Variants in GPC6 observed in about 807,000 individuals in gnomAD.
GPC6 encodes the protein glypican 6, also known as glypican-6.
Under a neutral mutation model 55.2 loss-of-function variants are expected in GPC6, and 14 were observed. The observed-to-expected ratio is 0.25, with a 90% CI of 0.17 to 0.40. The LOEUF (loss-of-function observed/expected upper bound fraction) is 0.40, where lower values mean the gene tolerates loss of function less well. GPC6 is among the 10% of genes least tolerant of loss of function. The pLI, the probability that GPC6 is intolerant of heterozygous loss-of-function variation, is 1.00. For synonymous variants in GPC6, 278 were observed against 259.6 expected (o/e 1.07, Z -0.68); for missense variants, 641 against 708.5 (o/e 0.90, Z 1.08).
chr13:93,584,340 G>C (rs1184016896), intron 2 of GPC6, among the ~76,000 whole-genome samples: 2 of 152,286 alleles, frequency 1.3e-5, no homozygotes. Context: ...GTATCTTTGG[G>C]GGGGTCCCAG....
At chr13:93,303,573 G>A (rs1397209976) in intron 1 of GPC6, among the ~76,000 whole-genome samples, 1 of 152,088 alleles carries the variant, frequency 6.6e-6, no homozygotes, top group African/African-American at 2.4e-5. Context: ...AGAAGAGTGT[G>A]GGTCAAGTTT....
chr13:94,294,358 A>G (rs966199659), intron 5 of GPC6, among the ~76,000 whole-genome samples: 10 of 151,754 alleles, frequency 6.6e-5, no homozygotes, highest in Non-Finnish European at 1.2e-4. Context: ...GGTAGAACCC[A>G]TTAAAGATGA....
At chr13:93,920,613 G>A (rs1215574763) in intron 3 of GPC6, among the ~76,000 whole-genome samples, 1 of 152,088 alleles carries the variant, frequency 6.6e-6, no homozygotes, top group Non-Finnish European at 1.5e-5. Context: ...AATTCAATCA[G>A]TCTTGTTTTT....
At chr13:94,207,517 C>G (rs1889940144) in intron 4 of GPC6, among the ~76,000 whole-genome samples, 1 of 152,154 alleles carries the variant, frequency 6.6e-6, no homozygotes. Flanking sequence ...ACAGTCACTT[C>G]TATGAAGTGG....
intron 3 of GPC6, among the ~76,000 whole-genome samples, chr13:94,011,778 A>G (rs890540445): frequency 1.3e-5 from 2 of 152,174 alleles, no homozygotes; most frequent in Admixed American, 6.5e-5. Context: ...GCTCTGTTGT[A>G]CAGCCATTCA....
chr13:94,034,251 A>AGG (rs757997066), intron 4 of GPC6, among the ~76,000 whole-genome samples: 7 of 148,820 alleles, frequency 4.7e-5, no homozygotes, highest in South Asian at 4.3e-4. Flanking sequence ...GAAGGAAGGA[A>AGG]AGAAAGAAAG....
At chr13:93,297,988 G>A (rs1378818237) in intron 1 of GPC6, among the ~76,000 whole-genome samples, 2 of 152,158 alleles carry the variant, frequency 1.3e-5, no homozygotes, top group Non-Finnish European at 2.9e-5. Flanking sequence ...AGTAACAAAT[G>A]TTAGGTTCAC....
chr13:93,432,760 C>A (rs997217560), intron 1 of GPC6, among the ~76,000 whole-genome samples: 8 of 152,102 alleles, frequency 5.3e-5, no homozygotes, highest in Non-Finnish European at 1.0e-4. Context: ...CTCTATTATT[C>A]TCCTTTTAAT....
At chr13:94,398,757 C>G in intron 8 of GPC6, 116 bp downstream of exon 8, 1 of 835,258 alleles carries the variant, frequency 1.2e-6, no homozygotes, top group Non-Finnish European at 2.0e-6. Flanking sequence ...CATTCTTCCT[C>G]AGGCTGTGAT....
At chr13:93,834,517 A>G (rs1468289540) in intron 3 of GPC6, among the ~76,000 whole-genome samples, 1 of 152,212 alleles carries the variant, frequency 6.6e-6, no homozygotes. Flanking sequence ...AAGGAGGGAT[A>G]CATAGAGATA....
intron 1 of GPC6, among the ~76,000 whole-genome samples, chr13:93,256,149 G>A (rs978357340): frequency 1.5e-5 from 2 of 131,704 alleles, no homozygotes; most frequent in African/African-American, 2.9e-5. Context: ...CAGCCTGGGC[G>A]ACAGAGTGAG....
Position 94,405,591 on chromosome 13 carries a change from G to C in GPC6, c.*2374G>C, listed in dbSNP as rs1210141977. 6.6e-6 allele frequency: 1 copy of C among 152,084 alleles called. No individual in the cohort carries two copies. Among genetic ancestry groups the C allele is most frequent in the African/African-American group, 2.4e-5 (1 of 41,396 alleles). 9.4% of individuals were successfully genotyped at this position (152,084 alleles called of 1,614,324 possible). A position where few individuals can be genotyped will look rare whatever the true frequency, so the allele number is the denominator to read the frequency against. The stretch of plus-strand genomic sequence containing the variant: ...TGTGCTTTCACCCCCAAAAGGTTTT[G>C]TGCATGTGTATGAATACACATAATA... On this transcript the variant is annotated 3_prime_UTR_variant, in exon 9 of 9. Transcript: ENST00000377047.
chr13:93,430,662 C>A (rs747517663), intron 1 of GPC6, among the ~76,000 whole-genome samples: 1 of 152,092 alleles, frequency 6.6e-6, no homozygotes, highest in Non-Finnish European at 1.5e-5. Flanking sequence ...CTTGGCAGAA[C>A]GTACCAATAG....
intron 2 of GPC6, among the ~76,000 whole-genome samples, chr13:93,733,207 A>C (rs1438070839): frequency 2.0e-5 from 3 of 152,122 alleles, no homozygotes; most frequent in Non-Finnish European, 2.9e-5. Context: ...AACTCTCAAA[A>C]TATGAAAGAA....
chr13:93,591,038 CAT>C (rs1877444039), intron 2 of GPC6, among the ~76,000 whole-genome samples: 1 of 150,026 alleles, frequency 6.7e-6, no homozygotes, highest in African/African-American at 2.5e-5. Flanking sequence ...ATTACTCTGT[CAT>C]AGGGAAAATG....
chr13:93,293,097 C>T (rs1006783714), intron 1 of GPC6, among the ~76,000 whole-genome samples: 1 of 151,112 alleles, frequency 6.6e-6, no homozygotes, highest in South Asian at 2.1e-4. Flanking sequence ...ATCCTCCCAC[C>T]TCCATCTCCC....
chr13:93,795,774 G>A (rs1886178574), intron 2 of GPC6, among the ~76,000 whole-genome samples: 1 of 152,124 alleles, frequency 6.6e-6, no homozygotes, highest in Non-Finnish European at 1.5e-5. Context: ...CACTGCTAAT[G>A]GCAAATCAAT....
chr13:93,823,649 C>T (rs528993399), intron 2 of GPC6, among the ~76,000 whole-genome samples: 77 of 152,114 alleles, frequency 5.1e-4, no homozygotes, highest in Non-Finnish European at 2.8e-4. Context: ...TAAAATATGA[C>T]GAAGACAAAT....
intron 5 of GPC6, among the ~76,000 whole-genome samples, chr13:94,290,450 G>GA (rs1402131503): frequency 5.4e-5 from 7 of 130,254 alleles, no homozygotes; most frequent in African/African-American, 2.2e-4. Context: ...AAAAAAAAAA[G>GA]AAAAAGAAAA....
Sources: gnomAD v4.1 joint callset for allele counts (sites outside exome capture counted in the v4.1 genomes callset) on GRCh38, gnomAD v4.1.1 for gene constraint, MANE v1.5 for transcripts, NCBI Gene and HGNC (gene_info 2026-07-23, HGNC 2026-07-21) for gene names.